Variants in ZC3H12B observed in about 807,000 individuals in gnomAD.
ZC3H12B encodes zinc finger CCCH-type containing 12B.
A neutral mutation model predicts 43.9 loss-of-function variants in ZC3H12B; 7 were observed. That is an observed-to-expected ratio of 0.16 (90% confidence interval 0.09 to 0.30). ZC3H12B has a LOEUF of 0.30. Among genes scored for constraint, ZC3H12B ranks in the 10% least tolerant of loss-of-function variants. ZC3H12B has a pLI of 1.00. For missense variants in ZC3H12B, 475 were observed against 670.2 expected (o/e 0.71, Z 3.22); for synonymous variants, 222 against 241.7 (o/e 0.92, Z 0.76).
chrX:65,088,747 G>GT, the ZC3H12B span, among the ~76,000 whole-genome samples: 7 of 111,102 alleles, frequency 6.3e-5, no homozygotes, highest in South Asian at 7.6e-4. Flanking sequence ...TTTAAGGATG[G>GT]TTTTTTTCGC....
At chrX:65,388,360 A>G (rs181054821) in intron 2 of ZC3H12B, among the ~76,000 whole-genome samples, 1 of 111,156 alleles carries the variant, frequency 9.0e-6, no homozygotes, top group African/African-American at 3.3e-5. Flanking sequence ...TTTTTTCTCT[A>G]AACTTCTCTT....
At chrX:65,282,978 C>T in the ZC3H12B span, among the ~76,000 whole-genome samples, 6 of 111,561 alleles carry the variant, frequency 5.4e-5, no homozygotes, top group African/African-American at 2.0e-4. Context: ...TTTTATGAGG[C>T]CAGCATCATC....
At chrX:65,081,796 A>G in the ZC3H12B span, among the ~76,000 whole-genome samples, 1 of 112,130 alleles carries the variant, frequency 8.9e-6, no homozygotes, top group African/African-American at 3.2e-5. Flanking sequence ...ATAGATATTT[A>G]TAGAGCATGT....
the ZC3H12B span, among the ~76,000 whole-genome samples, chrX:65,315,617 T>G: frequency 1.8e-5 from 2 of 110,468 alleles, no homozygotes; most frequent in Non-Finnish European, 3.8e-5. Flanking sequence ...TATGTCACAA[T>G]CAAACCCCAA....
chrX:65,099,558 G>C, the ZC3H12B span, among the ~76,000 whole-genome samples: 17 of 111,526 alleles, frequency 1.5e-4, no homozygotes, highest in Non-Finnish European at 2.4e-4. Context: ...CTGTTCTGTA[G>C]CCTCTGCTTG....
At chrX:65,321,248 A>G in the ZC3H12B span, among the ~76,000 whole-genome samples, 1 of 112,321 alleles carries the variant, frequency 8.9e-6, no homozygotes, top group Non-Finnish European at 1.9e-5. Flanking sequence ...TCACTTAAAA[A>G]AAAGAAAGAA....
chrX:65,215,039 T>C, the ZC3H12B span, among the ~76,000 whole-genome samples: 2 of 110,963 alleles, frequency 1.8e-5, no homozygotes, highest in Middle Eastern at 4.6e-3. Flanking sequence ...TTCTAATGAG[T>C]AGGTCCCAAA....
the ZC3H12B span, among the ~76,000 whole-genome samples, chrX:65,138,541 TG>T: frequency 1.8e-5 from 2 of 112,284 alleles, no homozygotes; most frequent in African/African-American, 6.5e-5. Flanking sequence ...TGCATGAACA[TG>T]GGAGTGTAGA....
intron 2 of ZC3H12B, among the ~76,000 whole-genome samples, chrX:65,381,638 A>C (rs1274209763): frequency 9.8e-5 from 11 of 111,825 alleles, no homozygotes; most frequent in South Asian, 3.7e-4. Flanking sequence ...ACACAAAAAA[A>C]CCTTCAAAAA....
the ZC3H12B span, among the ~76,000 whole-genome samples, chrX:65,156,175 GC>G: frequency 9.1e-6 from 1 of 110,485 alleles, no homozygotes; most frequent in African/African-American, 3.3e-5. Flanking sequence ...TTAATATTGT[GC>G]TTTCTCTCTC....
the ZC3H12B span, among the ~76,000 whole-genome samples, chrX:65,234,372 C>A: frequency 2.1e-3 from 233 of 111,727 alleles, no homozygotes; most frequent in Middle Eastern, 9.3e-3. Flanking sequence ...ATATGATAAA[C>A]TCAATATATA....
intron 2 of ZC3H12B, among the ~76,000 whole-genome samples, chrX:65,386,789 A>T (rs951664191): frequency 9.0e-5 from 10 of 111,247 alleles, no homozygotes; most frequent in African/African-American, 3.3e-4. Context: ...ATTTAGTGCT[A>T]TAAATTTCCC....
chrX:65,268,764 C>G, the ZC3H12B span, among the ~76,000 whole-genome samples: 1 of 111,269 alleles, frequency 9.0e-6, no homozygotes, highest in Non-Finnish European at 1.9e-5. Context: ...ATAATAAAGG[C>G]CATATATGAA....
intron 3 of ZC3H12B, among the ~76,000 whole-genome samples, chrX:65,457,503 C>G (rs762760224): frequency 1.1e-5 from 1 of 89,514 alleles, no homozygotes; most frequent in Non-Finnish European, 2.0e-5. Context: ...CGCTTCTTCC[C>G]GGCCGCCCCT....
chrX:65,343,917 T>C, the ZC3H12B span, among the ~76,000 whole-genome samples: 29 of 112,270 alleles, frequency 2.6e-4, no homozygotes, highest in African/African-American at 7.8e-4. Flanking sequence ...GTTATACATC[T>C]ACAACATCCC....
At chrX:65,339,523 G>C in the ZC3H12B span, among the ~76,000 whole-genome samples, 2 of 112,037 alleles carry the variant, frequency 1.8e-5, no homozygotes, top group Non-Finnish European at 3.8e-5. Flanking sequence ...TGTTGCAGGA[G>C]CATCTGTAGC....
chrX:65,325,727 TA>T, the ZC3H12B span, among the ~76,000 whole-genome samples: 534 of 111,474 alleles, frequency 4.8e-3, 4 homozygotes, highest in African/African-American at 0.016. Context: ...CTTAAAAATA[TA>T]AAAAAATCCT....
At chrX:65,379,900 T>G (rs1014314381) in intron 2 of ZC3H12B, among the ~76,000 whole-genome samples, 2 of 110,550 alleles carry the variant, frequency 1.8e-5, no homozygotes, top group African/African-American at 6.6e-5. Flanking sequence ...GAAGGGAAAT[T>G]TAGAGAAAAA....
At chrX:65,133,815 G>T in the ZC3H12B span, among the ~76,000 whole-genome samples, 1 of 110,458 alleles carries the variant, frequency 9.1e-6, no homozygotes, top group Middle Eastern at 4.6e-3. Flanking sequence ...GAACAGACAG[G>T]AGAGAAAGAA....
Sources: gnomAD v4.1 joint callset for allele counts (sites outside exome capture counted in the v4.1 genomes callset) on GRCh38, gnomAD v4.1.1 for gene constraint, MANE v1.5 for transcripts, NCBI Gene and HGNC (gene_info 2026-07-23, HGNC 2026-07-21) for gene names.